PGGT1B: variants seen among roughly 807,000 people sequenced by gnomAD.
The protein encoded by PGGT1B is geranylgeranyl transferase type-1 subunit beta.
Under a neutral mutation model 46.1 loss-of-function variants are expected in PGGT1B, and 30 were observed. The ratio of observed to expected loss-of-function variants is 0.65; its 90% CI spans 0.49 to 0.88. The LOEUF (loss-of-function observed/expected upper bound fraction) is 0.88. Ranked by LOEUF, PGGT1B falls within the 40% of genes least tolerant of loss-of-function variation. The pLI is 0.00. For synonymous variants in PGGT1B, 170 were observed against 160.0 expected (o/e 1.06, Z -0.47); for missense variants, 376 against 455.9 (o/e 0.82, Z 1.60).
chr5:115,254,883 G>C (rs148918135), intron 1 of PGGT1B, among the ~76,000 whole-genome samples: 1 of 152,042 alleles, frequency 6.6e-6, no homozygotes, highest in African/African-American at 2.4e-5. Flanking sequence ...ATTTGAATTA[G>C]AGAGGTAATT....
At chr5:115,218,721 C>T (rs184819152) in intron 7 of PGGT1B, among the ~76,000 whole-genome samples, 62 of 151,720 alleles carry the variant, frequency 4.1e-4, no homozygotes, top group Non-Finnish European at 8.3e-4. Flanking sequence ...TGTTTTGTAA[C>T]CTCTTAATGC....
At position 115,207,407 on chromosome 5, in the gene PGGT1B, G is replaced by A. The variant is rs1448949723; in HGVS notation, c.*4995C>T. The A allele has an allele frequency of 6.6e-6, 1 of 151,444 alleles. No individual in the cohort carries two copies. The highest frequency in any genetic ancestry group is 2.4e-5 in the African/African-American group (1 of 41,242). The allele number at this position is 151,444 out of a possible 1,614,324, so 9.4% of individuals were successfully genotyped here. On this transcript the variant is annotated 3_prime_UTR_variant, in exon 9 of 9. Coordinates refer to ENST00000419445, the MANE Select transcript of PGGT1B (RefSeq NM_005023.4). Reference sequence around the variant, plus strand: ...TTTCAGTCCTACTGAGTTAAAGCCAGTTGAAAAATAATGTATACTATATGG... The same window carrying A: ...TTTCAGTCCTACTGAGTTAAAGCCAATTGAAAAATAATGTATACTATATGG...
intron 1 of PGGT1B, 146 bp downstream of exon 1, chr5:115,262,566 A>G: frequency 1.2e-6 from 1 of 833,334 alleles, no homozygotes; most frequent in Non-Finnish European, 1.9e-6. Flanking sequence ...GAGTGGGGGT[A>G]ACCTCAAGCC....
chr5:115,225,483 G>C (rs1440748001), intron 6 of PGGT1B, among the ~76,000 whole-genome samples: 1 of 152,096 alleles, frequency 6.6e-6, no homozygotes, highest in Non-Finnish European at 1.5e-5. Context: ...CTCAGTTTTA[G>C]AGATTCTCTT....
At chr5:115,215,450 C>G (rs923310181) in intron 8 of PGGT1B, among the ~76,000 whole-genome samples, 44 of 152,152 alleles carry the variant, frequency 2.9e-4, no homozygotes, top group African/African-American at 1.0e-3. Context: ...AGGCACCCAC[C>G]ACCACGCCTG....
At chr5:115,251,051 A>C (rs961934095) in intron 2 of PGGT1B, among the ~76,000 whole-genome samples, 3 of 152,168 alleles carry the variant, frequency 2.0e-5, no homozygotes, top group African/African-American at 7.2e-5. Flanking sequence ...GTAGGCTCTT[A>C]TAAAAAATAC....
intron 6 of PGGT1B, among the ~76,000 whole-genome samples, chr5:115,229,671 T>G (rs1429576821): frequency 1.3e-5 from 2 of 152,174 alleles, no homozygotes; most frequent in Non-Finnish European, 2.9e-5. Context: ...GAGTGTACAC[T>G]AATACCACCT....
rs183122144 is a variant in PGGT1B at position 115,210,998 on chromosome 5, A to C, written c.*1404T>G. ...TTGGGAAGGACTGTTATTTCACAAC[A>C]TTTTTTTCCCTCTGATTTAGAAAAA... On this transcript the variant is annotated 3_prime_UTR_variant, in exon 9 of 9. Coordinates refer to ENST00000419445, the MANE Select transcript of PGGT1B (RefSeq NM_005023.4). 2 of 152,048 alleles carry C rather than the reference A, an allele frequency of 1.3e-5. No individual in the cohort carries two copies. Among genetic ancestry groups the C allele is most frequent in the East Asian group, 3.9e-4 (2 of 5,178 alleles). 9.4% of individuals were successfully genotyped at this position (152,048 alleles called of 1,614,324 possible).
rs2126984183 is a variant in PGGT1B, at chr5:115,211,811, T to G, written c.*591A>C. ...AGAAAACTATCACATTAGTTAAACC[T>G]ATTTATTCTTACTATGAAGTTATTA... On this transcript the variant is annotated 3_prime_UTR_variant, in exon 9 of 9. Coordinates refer to ENST00000419445, the MANE Select transcript of PGGT1B (RefSeq NM_005023.4). The G allele has an allele frequency of 6.6e-6, 1 of 152,610 alleles. No individual in the cohort carries two copies. Among genetic ancestry groups the G allele is most frequent in the African/African-American group, 2.4e-5 (1 of 41,580 alleles). 9.5% of individuals were successfully genotyped at this position (152,610 alleles called of 1,614,324 possible).
At chr5:115,262,434 T>G (rs946389034) in intron 1 of PGGT1B, 2 of 467,784 alleles carry the variant, frequency 4.3e-6, no homozygotes, top group Non-Finnish European at 7.8e-6. Flanking sequence ...TGACAGGCTA[T>G]GGGAGCGGGT....
chr5:115,218,006 G>A (rs115641567), intron 7 of PGGT1B, among the ~76,000 whole-genome samples: 451 of 152,014 alleles, frequency 3.0e-3, no homozygotes, highest in African/African-American at 0.01. Flanking sequence ...GCTGAAAGAT[G>A]TGATTATTAA....
chr5:115,249,316 T>G (rs1747986976), intron 2 of PGGT1B, among the ~76,000 whole-genome samples: 1 of 152,184 alleles, frequency 6.6e-6, no homozygotes, highest in Non-Finnish European at 1.5e-5. Flanking sequence ...AAAATTTTCT[T>G]TTTTCTTCTC....
At chr5:115,245,973 T>C (rs1201966618) in intron 2 of PGGT1B, among the ~76,000 whole-genome samples, 1 of 152,218 alleles carries the variant, frequency 6.6e-6, no homozygotes, top group Non-Finnish European at 1.5e-5. Flanking sequence ...ACTCATTTAC[T>C]AAATTGAGTT....
chr5:115,213,158 G>A (rs1268548058), intron 8 of PGGT1B, among the ~76,000 whole-genome samples: 1 of 152,158 alleles, frequency 6.6e-6, no homozygotes, highest in Non-Finnish European at 1.5e-5. Flanking sequence ...CCTATTTAGG[G>A]TAATGTCAGT....
At chr5:115,239,894 T>C (rs1474249846) in intron 3 of PGGT1B, among the ~76,000 whole-genome samples, 1 of 152,210 alleles carries the variant, frequency 6.6e-6, no homozygotes, top group Non-Finnish European at 1.5e-5. Flanking sequence ...CTACAGCCAT[T>C]GAAGGTCCCA....
chr5:115,241,980 G>A (rs574380851), intron 2 of PGGT1B, among the ~76,000 whole-genome samples: 9 of 152,168 alleles, frequency 5.9e-5, no homozygotes, highest in African/African-American at 1.9e-4. Context: ...TCAAGGTAAC[G>A]GTTAATAACA....
intron 7 of PGGT1B, 78 bp downstream of exon 7, chr5:115,221,746 T>C (rs1580748516): frequency 2.4e-6 from 2 of 842,332 alleles, no homozygotes; most frequent in Non-Finnish European, 3.5e-6. Flanking sequence ...TTAATACACA[T>C]TACAAAGATC....
intron 3 of PGGT1B, among the ~76,000 whole-genome samples, chr5:115,239,980 T>C (rs1426618500): frequency 6.6e-6 from 1 of 152,214 alleles, no homozygotes; most frequent in East Asian, 1.9e-4. Context: ...TGACAATATT[T>C]TATTCATATA....
intron 2 of PGGT1B, among the ~76,000 whole-genome samples, chr5:115,246,643 T>C (rs1358233835): frequency 6.6e-6 from 1 of 152,142 alleles, no homozygotes; most frequent in Non-Finnish European, 1.5e-5. Flanking sequence ...TGGCTGCCCA[T>C]CAGAATCAAT....
Sources: gnomAD v4.1 joint callset for allele counts (sites outside exome capture counted in the v4.1 genomes callset) on GRCh38, gnomAD v4.1.1 for gene constraint, MANE v1.5 for transcripts, NCBI Gene and HGNC (gene_info 2026-07-23, HGNC 2026-07-21) for gene names.